The following TEX52 variants were observed in gnomAD, a reference collection of about 807,000 sequenced individuals.
The protein encoded by TEX52 is testis expressed 52, also known as testis-expressed protein 52.
Under a neutral mutation model 17.6 loss-of-function variants are expected in TEX52, and 22 were observed. The ratio of observed to expected loss-of-function variants is 1.25; its 90% CI spans 0.89 to 1.78. TEX52 has a LOEUF of 1.78. TEX52 is among the 40% of genes most tolerant of loss of function. The probability of loss-of-function intolerance (pLI) is 0.00; values close to 1 mark genes in which losing one functional copy is unlikely to be tolerated. For missense variants in TEX52, 396 were observed against 372.3 expected (o/e 1.06, Z -0.52); for synonymous variants, 168 against 147.4 (o/e 1.14, Z -1.01).
Position 2,849,106 on chromosome 12 carries a change from G to T in TEX52, c.*125C>A, listed in dbSNP as rs1384684398. The T allele has an allele frequency of 6.2e-6, 6 of 972,492 alleles. No homozygotes were observed. Among genetic ancestry groups the T allele is most frequent in the Non-Finnish European group, 8.9e-6 (6 of 677,706 alleles). The allele number at this position is 972,492 out of a possible 1,614,324, so 60.2% of individuals were successfully genotyped here. On this transcript the variant is annotated 3_prime_UTR_variant, in exon 3 of 3. Transcript: ENST00000637658. The stretch of plus-strand genomic sequence containing the variant: ...GTGGCTTGAGGCTGGGAGGATGGTG[G>T]AGAGGCTGTTCTGCAGAAGCCAGAG...
At chr12:2,856,354 A>G (rs1175290383) in intron 1 of TEX52, among the ~76,000 whole-genome samples, 1 of 151,986 alleles carries the variant, frequency 6.6e-6, no homozygotes, top group Non-Finnish European at 1.5e-5. Context: ...TCGCCCTCCT[A>G]TCCATCCCCA....
chr12:2,851,744 T>A (rs2098071723), intron 2 of TEX52, among the ~76,000 whole-genome samples: 1 of 152,014 alleles, frequency 6.6e-6, no homozygotes, highest in Admixed American at 6.6e-5. Context: ...AGTGGCGTGA[T>A]CTCAGCTCAC....
At chr12:2,849,577 G>A in intron 2 of TEX52, 52 bp from the exon 3 acceptor site, 1 of 1,527,790 alleles carries the variant, frequency 6.5e-7, no homozygotes, top group Non-Finnish European at 8.8e-7. Flanking sequence ...AGAGATCCAG[G>A]GACAGTGGAG....
chr12:2,853,464 G>T (rs534643347), intron 2 of TEX52, among the ~76,000 whole-genome samples: 3 of 152,122 alleles, frequency 2.0e-5, no homozygotes, highest in African/African-American at 4.8e-5. Flanking sequence ...GTAGAGACGG[G>T]GTTTCACCAT....
chr12:2,855,001 G>A lies in TEX52; in HGVS notation c.518C>T (p.Thr173Ile). The A allele has an allele frequency of 1.3e-6, 2 of 1,536,190 alleles. No individual in the cohort carries two copies. Among genetic ancestry groups the A allele is most frequent in the Non-Finnish European group, 1.7e-6 (2 of 1,146,928 alleles). ...CTCCACCTCCTTCAACTCCTTCACT[G>A]TCCTGAAAATCACCTGCTTCTTCCT... ...MKRKKQVIFR[T>I]VKELKEVEKL... The change falls in exon 2 of 3, where the codon ACA (threonine) becomes ATA (isoleucine). Residue 173 changes from threonine to isoleucine, a missense_variant. Physicochemically the swap from Thr to Ile is moderately conservative, Grantham distance 89. Transcript: ENST00000637658.
chr12:2,852,469 C>T (rs1001014559), intron 2 of TEX52, among the ~76,000 whole-genome samples: 2 of 152,098 alleles, frequency 1.3e-5, no homozygotes, highest in African/African-American at 4.8e-5. Flanking sequence ...TGGGCTCAGA[C>T]AGTCCTCCCA....
Position 2,849,238 on chromosome 12 carries a change from T to G in TEX52, c.911A>C (p.His304Pro). ...PARKRKRRPGHF is the reference protein window; with the variant it reads ...PARKRKRRPGPF ...TCCCCTCTGGAAGCCCTTCTAGAAG[T>G]GTCCAGGTCTTCTCTTCCTCTTCCT... is the stretch of plus-strand genomic sequence containing the variant. The change falls in exon 3 of 3, where the codon CAC (histidine) becomes CCC (proline). Residue 304 changes from histidine to proline, a missense_variant. Coordinates refer to ENST00000637658, the MANE Select transcript of TEX52 (RefSeq NM_001365174.2). 2 of 1,535,578 alleles carry G rather than the reference T, an allele frequency of 1.3e-6. No individual in the cohort carries two copies. Among genetic ancestry groups the G allele is most frequent in the Non-Finnish European group, 1.7e-6 (2 of 1,146,736 alleles).
chr12:2,856,111 T>C (rs988622462), intron 1 of TEX52, among the ~76,000 whole-genome samples: 1 of 152,138 alleles, frequency 6.6e-6, no homozygotes, highest in East Asian at 1.9e-4. Flanking sequence ...ATGGATCTTA[T>C]TGAACCCCCA....
Position 2,849,099 on chromosome 12 carries a change from G to A in TEX52, c.*132C>T, listed in dbSNP as rs1412516740. 5 of 897,554 alleles carry A rather than the reference G, an allele frequency of 5.6e-6. No individual in the cohort carries two copies. The African/African-American group carries it at 6.8e-5, about 12-fold the overall frequency. The allele number at this position is 897,554 out of a possible 1,614,324, so 55.6% of individuals were successfully genotyped here. ...TACAGAGGTGGCTTGAGGCTGGGAG[G>A]ATGGTGGAGAGGCTGTTCTGCAGAA... On this transcript the variant is annotated 3_prime_UTR_variant, in exon 3 of 3. Coordinates refer to ENST00000637658, the MANE Select transcript of TEX52 (RefSeq NM_001365174.2).
chr12:2,854,812 C>CGGTT (rs2098082039), intron 2 of TEX52, 84 bp downstream of exon 2: 1 of 1,368,002 alleles, frequency 7.3e-7, no homozygotes, highest in African/African-American at 1.5e-5. Flanking sequence ...GACAGAGTCC[C>CGGTT]GGTTAGAAAC....
chr12:2,854,811 C>T lies in TEX52; in HGVS notation c.623+85G>A, dbSNP rs190959244. ...GGCCAGAGCGGGGAAGGACAGAGTC[C>T]CGGTTAGAAACAGGAACCTGAGAGA... On this transcript the variant is annotated intron_variant, in intron 2 of 2. Transcript: ENST00000637658. 3.0e-3 allele frequency: 4,146 copies of T among 1,365,586 alleles called. 11 individuals are homozygous for T. The highest frequency in any genetic ancestry group is 3.7e-3 in the Non-Finnish European group (3,811 of 1,025,718). 84.6% of individuals were successfully genotyped at this position (1,365,586 alleles called of 1,614,324 possible).
chr12:2,850,475 CAAAA>C (rs1275655927), intron 2 of TEX52, among the ~76,000 whole-genome samples: 1 of 70,662 alleles, frequency 1.4e-5, no homozygotes, highest in Non-Finnish European at 2.9e-5. Flanking sequence ...GACTCTGTCT[CAAAA>C]AAAAAAAAAA....
At chr12:2,856,491 G>A (rs1011510307) in intron 1 of TEX52, among the ~76,000 whole-genome samples, 12 of 152,114 alleles carry the variant, frequency 7.9e-5, no homozygotes, top group Non-Finnish European at 1.8e-4. Flanking sequence ...TCAGCCTCCT[G>A]AGTAGCTGGG....
Position 2,854,929 on chromosome 12 carries a change from TG to T in TEX52, c.589del (p.Gln197ArgfsTer56). 1 of 1,535,876 alleles carries T rather than the reference TG, an allele frequency of 6.5e-7. No individual in the cohort carries two copies. The highest frequency in any genetic ancestry group is 1.2e-5 in the South Asian group (1 of 84,018). ...GCTCGCTGGCGGCTGGATGTTGCCC[TG>T]GGCATCGAGTGGGGGTGCTCTTGCC... The part of the protein sequence containing the change: ...SEARAPPLDA[Q>X]GNIQPPASFK... On this transcript the variant is annotated frameshift_variant, in exon 2 of 3. Transcript: ENST00000637658. LOFTEE classifies it low-confidence loss of function (END_TRUNC).
intron 2 of TEX52, among the ~76,000 whole-genome samples, chr12:2,854,029 A>G (rs896601613): frequency 1.3e-5 from 2 of 151,964 alleles, no homozygotes; most frequent in African/African-American, 4.8e-5. Context: ...TTATTTAATT[A>G]ATTTATTTAT....
chr12:2,856,117 C>T (rs553347818), intron 1 of TEX52, among the ~76,000 whole-genome samples: 10 of 152,188 alleles, frequency 6.6e-5, no homozygotes, highest in African/African-American at 2.4e-4. Flanking sequence ...CTTATTGAAC[C>T]CCCACAACTC....
At chr12:2,854,518 T>C (rs2098081140) in intron 2 of TEX52, among the ~76,000 whole-genome samples, 1 of 152,184 alleles carries the variant, frequency 6.6e-6, no homozygotes, top group African/African-American at 2.4e-5. Context: ...CTCCAGTTCT[T>C]TACATTAATA....
At position 2,854,990 on chromosome 12, in the gene TEX52, A is replaced by G. The variant is rs1289579463; in HGVS notation, c.529T>C (p.Leu177=). The G allele has an allele frequency of 1.3e-6, 2 of 1,535,428 alleles. No homozygotes were observed. The highest frequency in any genetic ancestry group is 1.7e-6 in the Non-Finnish European group (2 of 1,146,786). ...AACTTGAGCTTCTCCACCTCCTTCA[A>G]CTCCTTCACTGTCCTGAAAATCACC... The part of the protein sequence containing the change: ...KQVIFRTVKE[L]KEVEKLKLRS... Residue 177 remains leucine, a synonymous_variant, in exon 2 of 3, where the codon TTG becomes CTG. Coordinates refer to ENST00000637658, the MANE Select transcript of TEX52 (RefSeq NM_001365174.2).
intron 2 of TEX52, among the ~76,000 whole-genome samples, chr12:2,854,274 C>T (rs533627364): frequency 3.7e-4 from 56 of 152,366 alleles, no homozygotes; most frequent in Admixed American, 1.2e-3. Context: ...ATCCGGCCGC[C>T]TCGGCCTCCT....
Sources: allele counts gnomAD v4.1 joint callset (sites outside exome capture counted in the v4.1 genomes callset), GRCh38; gene constraint gnomAD v4.1.1; transcripts MANE v1.5; gene names NCBI Gene and HGNC (gene_info 2026-07-23, HGNC 2026-07-21).